Variants in ZFAND4 observed in about 807,000 individuals in gnomAD.
ZFAND4 encodes the protein AN1-type zinc finger protein 4.
Under a neutral mutation model 64.4 loss-of-function variants are expected in ZFAND4, and 43 were observed. The ratio of observed to expected loss-of-function variants is 0.67; its 90% CI spans 0.52 to 0.86. The LOEUF (loss-of-function observed/expected upper bound fraction) is 0.86. Ranked by LOEUF, ZFAND4 falls within the 40% of genes least tolerant of loss-of-function variation. The pLI is 0.00. For synonymous variants in ZFAND4, 296 were observed against 305.7 expected, an observed-to-expected ratio of 0.97 and a Z score of 0.33; for missense variants, 929 against 859.8, an observed-to-expected ratio of 1.08 and a Z score of -1.01.
At chr10:45,636,707 T>C (rs1163087457) in intron 6 of ZFAND4, among the ~76,000 whole-genome samples, 2 of 152,190 alleles carry the variant, frequency 1.3e-5, no homozygotes, top group Non-Finnish European at 2.9e-5. Flanking sequence ...ATGTTCTACA[T>C]GCACTTAAAA....
At chr10:45,640,198 T>C in intron 5 of ZFAND4, 1 of 1,251,334 alleles carries the variant, frequency 8.0e-7, no homozygotes, top group South Asian at 1.8e-5. Context: ...GCTGAGCTTC[T>C]CTGAATTCAG....
rs115438170 is a variant in ZFAND4 at position 45,619,186 on chromosome 10, G to A, written c.1928-926C>T. Among the ~76,000 whole-genome samples, 534 of 151,776 alleles carry A rather than the reference G, an allele frequency of 3.5e-3. 4 individuals are homozygous for A. Among genetic ancestry groups the A allele is most frequent in the African/African-American group, 0.012 (511 of 41,380 alleles). ...CCCGAGTAGCTGGGACTATGGGCAC[G>A]CACCACCACGCTCAGCTTTTTTTTT... On this transcript the variant is annotated intron_variant, in intron 8 of 9. Transcript: ENST00000344646.
In ZFAND4 at chr10:45,626,965, T is replaced by G. The variant is rs139252167; in HGVS notation, c.858A>C (p.Ala286=). 6.2e-7 allele frequency: 1 copy of G among 1,614,066 alleles called. No individual in the cohort carries two copies. Among genetic ancestry groups the G allele is most frequent in the Non-Finnish European group, 8.5e-7 (1 of 1,180,030 alleles). ...GQSCSPAFGN[A]YPPEISRNGI... is the part of the protein sequence containing the mutation. Reference sequence around the variant, plus strand: ...CATTCCTGGAGATTTCGGGCGGATATGCATTCCCAAAAGCAGGTGAACAAG... The same window carrying G: ...CATTCCTGGAGATTTCGGGCGGATAGGCATTCCCAAAAGCAGGTGAACAAG... The change falls in exon 7 of 10, where the codon GCA becomes GCC. Residue 286 remains alanine, a synonymous_variant. Coordinates refer to ENST00000344646, the MANE Select transcript of ZFAND4 (RefSeq NM_174890.4).
chr10:45,623,166 G>A (rs2045555418), intron 8 of ZFAND4, among the ~76,000 whole-genome samples: 1 of 152,148 alleles, frequency 6.6e-6, no homozygotes, highest in Admixed American at 6.5e-5. Flanking sequence ...TTGCACTGTC[G>A]ATGGAATGAA....
rs2045852216 is a variant in ZFAND4 at position 45,626,661 on chromosome 10, A to G, written c.1162T>C (p.Cys388Arg). ...NGNIVLPSEE[C>R]VTEQSLLPKV... ...GGTAGAAGTGATTGTTCGGTTACAC[A>G]TTCTTCTGAAGGTAAGACAATGTTC... is the stretch of plus-strand genomic sequence containing the variant. The change falls in exon 7 of 10, where the codon TGT becomes CGT. Residue 388 changes from cysteine to arginine, a missense_variant. Cys to Arg is a radical substitution (Grantham distance 180). Transcript: ENST00000344646. The G allele has an allele frequency of 6.2e-7, 1 of 1,614,204 alleles. No homozygotes were observed.
At chr10:45,643,494 C>A (rs2047167295) in intron 5 of ZFAND4, among the ~76,000 whole-genome samples, 1 of 151,204 alleles carries the variant, frequency 6.6e-6, no homozygotes, top group Non-Finnish European at 1.5e-5. Flanking sequence ...CACGGTGAAA[C>A]CCCGTCTCTG....
chr10:45,657,090 T>G (rs1047056538), intron 2 of ZFAND4, among the ~76,000 whole-genome samples: 2 of 151,636 alleles, frequency 1.3e-5, no homozygotes, highest in Non-Finnish European at 2.9e-5. Flanking sequence ...TTTAGCTCAC[T>G]GCAATCTCCA....
chr10:45,630,262 T>C (rs2133603720), intron 6 of ZFAND4, among the ~76,000 whole-genome samples: 1 of 152,162 alleles, frequency 6.6e-6, no homozygotes, highest in South Asian at 2.1e-4. Flanking sequence ...TCTCATCAAA[T>C]CATAAATGCA....
intron 5 of ZFAND4, among the ~76,000 whole-genome samples, chr10:45,642,293 TAC>T (rs758161706): frequency 1.3e-5 from 2 of 151,242 alleles, no homozygotes; most frequent in African/African-American, 2.4e-5. Context: ...CACACATACA[TAC>T]ACACATATAT....
chr10:45,622,394 GA>G (rs1223012510), intron 8 of ZFAND4, among the ~76,000 whole-genome samples: 1 of 152,162 alleles, frequency 6.6e-6, no homozygotes, highest in Non-Finnish European at 1.5e-5. Flanking sequence ...ACTTCTAGAA[GA>G]AAAGATAGGG....
In ZFAND4 at chr10:45,637,619, G is replaced by C. The variant is rs370133547; in HGVS notation, c.717+2197C>G. 2.0e-5 allele frequency among the ~76,000 whole-genome samples: 3 copies of C among 151,708 alleles called. No individual in the cohort carries two copies. The East Asian group carries it at 5.8e-4, about 29-fold the overall frequency. On this transcript the variant is annotated intron_variant, in intron 6 of 9. Coordinates refer to ENST00000344646, the MANE Select transcript of ZFAND4 (RefSeq NM_174890.4). ...ACAAAAATTAGCCGGGCGTGGAGAT[G>C]CGCACCCGTAATCCCAGCTATTTGG...
chr10:45,627,435 A>T lies in ZFAND4; in HGVS notation c.718-330T>A, dbSNP rs567327967. On this transcript the variant is annotated intron_variant, in intron 6 of 9. Coordinates refer to ENST00000344646, the MANE Select transcript of ZFAND4 (RefSeq NM_174890.4). ...TTTTAGATCTCCAACAATTTTTCCT[A>T]CTATGTTGAATAAATGTTTCATTGG... 1.8e-4 allele frequency among the ~76,000 whole-genome samples: 27 copies of T among 152,020 alleles called. No individual in the cohort carries two copies. The South Asian group carries it at 5.4e-3, about 30-fold the overall frequency.
rs377560938 is a variant in ZFAND4, at chr10:45,624,569, T to C, written c.1927+14A>G. The stretch of plus-strand genomic sequence containing the variant: ...ATCAGCCTTGTATTGTTTTCAAAAT[T>C]ATCTGTAGCTTACCTACGCTTTTCC... On this transcript the variant is annotated intron_variant, in intron 8 of 9. Coordinates refer to ENST00000344646, the MANE Select transcript of ZFAND4 (RefSeq NM_174890.4). 1.2e-5 allele frequency: 19 copies of C among 1,613,074 alleles called. No individual in the cohort carries two copies. The African/African-American group carries it at 2.3e-4, about 19-fold the overall frequency.
chr10:45,669,968 C>T (rs190363340), intron 1 of ZFAND4, among the ~76,000 whole-genome samples: 7 of 152,278 alleles, frequency 4.6e-5, no homozygotes, highest in African/African-American at 1.4e-4. Context: ...TGAAAACCGG[C>T]ACAAGACAGG....
chr10:45,640,551 C>T, intron 5 of ZFAND4: 1 of 595,432 alleles, frequency 1.7e-6, no homozygotes. Context: ...AGTGCAATGG[C>T]ACAATCTCGG....
rs538808809 is a variant in ZFAND4, at chr10:45,667,890, G to A, written c.-117-4048C>T. Among the ~76,000 whole-genome samples, 3 of 152,268 alleles carry A rather than the reference G, an allele frequency of 2.0e-5. No homozygotes were observed. The East Asian group carries it at 5.8e-4, about 29-fold the overall frequency. On this transcript the variant is annotated intron_variant, in intron 1 of 9. Coordinates refer to ENST00000344646, the MANE Select transcript of ZFAND4 (RefSeq NM_174890.4). ...GTAGAAGGAAACCATTGAGTCTTTA[G>A]GTATAATGTTAACCGTGGGGTTTTC...
chr10:45,618,933 GTAC>G (rs2045207290), intron 8 of ZFAND4, among the ~76,000 whole-genome samples: 1 of 152,020 alleles, frequency 6.6e-6, no homozygotes, highest in Non-Finnish European at 1.5e-5. Flanking sequence ...CAATTTCACA[GTAC>G]TACTAGTTTT....
intron 6 of ZFAND4, among the ~76,000 whole-genome samples, chr10:45,634,395 T>A (rs1351661732): frequency 6.6e-6 from 1 of 151,874 alleles, no homozygotes; most frequent in African/African-American, 2.4e-5. Context: ...TGGTGGCTCA[T>A]GCCTGTAGTC....
At chr10:45,640,581 C>T (rs1341745827) in intron 5 of ZFAND4, among the ~76,000 whole-genome samples, 1 of 152,104 alleles carries the variant, frequency 6.6e-6, no homozygotes, top group East Asian at 1.9e-4. Flanking sequence ...ACCTCTGCCT[C>T]CCGGGTTCAA....
Sources: gnomAD v4.1 joint callset for allele counts (sites outside exome capture counted in the v4.1 genomes callset) on GRCh38, gnomAD v4.1.1 for gene constraint, MANE v1.5 for transcripts, NCBI Gene and HGNC (gene_info 2026-07-23, HGNC 2026-07-21) for gene names.